DNMBP: variants seen among roughly 807,000 people sequenced by gnomAD.
The protein encoded by DNMBP is dynamin-binding protein.
DNMBP carries 87 observed loss-of-function variants against 150.0 expected under a neutral mutation model. That is an observed-to-expected ratio of 0.58 (90% CI 0.49 to 0.69). DNMBP has a LOEUF of 0.69. Among genes scored for constraint, DNMBP ranks in the 30% least tolerant of loss-of-function variants. The pLI, the probability that DNMBP is intolerant of heterozygous loss-of-function variation, is 0.00. For missense variants in DNMBP, 1,774 were observed against 1,949.0 expected, an observed-to-expected ratio of 0.91 and a Z score of 1.69; for synonymous variants, 711 against 750.4, an observed-to-expected ratio of 0.95 and a Z score of 0.86.
At chr10:99,971,565 A>G (rs1432356732) in intron 2 of DNMBP, among the ~76,000 whole-genome samples, 1 of 151,942 alleles carries the variant, frequency 6.6e-6, no homozygotes, top group Non-Finnish European at 1.5e-5. Flanking sequence ...CTTGTCGCCC[A>G]GGCTGGAATG....
intron 6 of DNMBP, among the ~76,000 whole-genome samples, chr10:99,907,428 C>T (rs184914398): frequency 1.6e-4 from 24 of 151,126 alleles, no homozygotes; most frequent in African/African-American, 5.3e-4. Context: ...CCAAGTCTTG[C>T]TCTGTACCCC....
At chr10:99,982,105 T>C (rs1406450754) in intron 1 of DNMBP, among the ~76,000 whole-genome samples, 2 of 152,128 alleles carry the variant, frequency 1.3e-5, no homozygotes, top group Non-Finnish European at 2.9e-5. Flanking sequence ...CCCTGAGTGA[T>C]ACACGCCCAA....
Position 99,970,971 on chromosome 10 carries a change from CAAAAAAAAAAAAAAAAA to C in DNMBP, c.145+992_145+1008del, listed in dbSNP as rs532226561. On this transcript the variant is annotated intron_variant, in intron 2 of 16. Transcript: ENST00000324109. Reference sequence around the variant, plus strand: ...TGGGCAACAGAGCAAGACTCCGTCTCAAAAAAAAAAAAAAAAAAAAAAAAAAAGGAAAGCAGTAGTAA... The same window carrying C: ...TGGGCAACAGAGCAAGACTCCGTCTCAAAAAAAAAAGGAAAGCAGTAGTAA... Among the ~76,000 whole-genome samples the C allele has an allele frequency of 6.9e-4, 23 of 33,194 alleles. 1 individual carries two copies. The highest frequency in any genetic ancestry group is 1.1e-3 in the Admixed American group (2 of 1,844). 21.8% of individuals were successfully genotyped at this position (33,194 alleles called of 152,430 possible). A position where few individuals can be genotyped will look rare whatever the true frequency, so the allele number is the denominator to read the frequency against.
chr10:99,976,562 C>A (rs1480285367), intron 1 of DNMBP, among the ~76,000 whole-genome samples: 2 of 152,144 alleles, frequency 1.3e-5, no homozygotes, highest in Non-Finnish European at 2.9e-5. Flanking sequence ...CGCATACTAC[C>A]AAAATTATGT....
At chr10:99,913,323 C>T (rs546271923) in intron 4 of DNMBP, among the ~76,000 whole-genome samples, 2 of 152,208 alleles carry the variant, frequency 1.3e-5, no homozygotes, top group African/African-American at 4.8e-5. Flanking sequence ...ATAATACTTG[C>T]TTTGCAGAGT....
At chr10:99,884,761 G>A (rs147407661) in intron 14 of DNMBP, among the ~76,000 whole-genome samples, 17 of 152,136 alleles carry the variant, frequency 1.1e-4, no homozygotes, top group Admixed American at 1.1e-3. Flanking sequence ...ATACAATACA[G>A]GCATGGTAAC....
At chr10:99,948,965 A>AAATAAAT (rs2040389651) in intron 4 of DNMBP, among the ~76,000 whole-genome samples, 1 of 137,172 alleles carries the variant, frequency 7.3e-6, no homozygotes, top group Non-Finnish European at 1.6e-5. Flanking sequence ...CTCCATCTCA[A>AAATAAAT]AAATAAATAA....
At chr10:99,974,307 A>G (rs979210994) in intron 1 of DNMBP, among the ~76,000 whole-genome samples, 1 of 152,208 alleles carries the variant, frequency 6.6e-6, no homozygotes, top group Non-Finnish European at 1.5e-5. Flanking sequence ...CTGTGCTGTA[A>G]TAAGACGATG....
intron 3 of DNMBP, among the ~76,000 whole-genome samples, chr10:99,967,680 T>G (rs1354089000): frequency 2.7e-5 from 4 of 150,594 alleles, no homozygotes; most frequent in African/African-American, 9.9e-5. Context: ...TGTGTGTGTG[T>G]GTGTGTGTGT....
intron 3 of DNMBP, among the ~76,000 whole-genome samples, chr10:99,960,172 T>G (rs2040548081): frequency 6.6e-6 from 1 of 152,174 alleles, no homozygotes; most frequent in South Asian, 2.1e-4. Flanking sequence ...TAAAATTCAG[T>G]TCTATATGAT....
At chr10:99,927,788 G>A (rs890117289) in intron 4 of DNMBP, among the ~76,000 whole-genome samples, 1 of 152,154 alleles carries the variant, frequency 6.6e-6, no homozygotes, top group Admixed American at 6.5e-5. Flanking sequence ...ATATTGGGTG[G>A]AACCGAGCTG....
At chr10:99,921,092 C>T (rs1198809030) in intron 4 of DNMBP, among the ~76,000 whole-genome samples, 2 of 152,212 alleles carry the variant, frequency 1.3e-5, no homozygotes, top group African/African-American at 4.8e-5. Flanking sequence ...TTCTAATCAT[C>T]CAGTTAGTCA....
intron 4 of DNMBP, among the ~76,000 whole-genome samples, chr10:99,945,678 C>T (rs567960415): frequency 6.4e-4 from 98 of 152,268 alleles, no homozygotes; most frequent in African/African-American, 2.3e-3. Flanking sequence ...TTGAAAACCA[C>T]CCAGTAATGT....
At chr10:99,986,589 C>G (rs1374518908) in intron 1 of DNMBP, among the ~76,000 whole-genome samples, 1 of 84,512 alleles carries the variant, frequency 1.2e-5, no homozygotes, top group African/African-American at 5.7e-5. Flanking sequence ...AGCAAGACTC[C>G]GTCTCAAAAA....
chr10:99,898,045 C>T lies in DNMBP; in HGVS notation c.2920+41G>A. 1.9e-6 allele frequency: 3 copies of T among 1,560,638 alleles called. No individual in the cohort carries two copies. The East Asian group carries it at 6.7e-5, about 35-fold the overall frequency. ...ATTGTTTTGAGAAGAAAAGCATTCT[C>T]AAAGGGCATACCTCCTTTTCAGCAA... On this transcript the variant is annotated intron_variant, in intron 9 of 16. Transcript: ENST00000324109.
chr10:100,001,658 C>T (rs949768388), intron 1 of DNMBP, among the ~76,000 whole-genome samples: 5 of 152,142 alleles, frequency 3.3e-5, no homozygotes, highest in African/African-American at 1.2e-4. Flanking sequence ...AGTGATCCGC[C>T]CGCCTTGGCC....
At chr10:99,989,870 TGCCCCCTCTTCTATTAAACC>T (rs1352597415) in intron 1 of DNMBP, among the ~76,000 whole-genome samples, 109 of 86,306 alleles carry the variant, frequency 1.3e-3, no homozygotes, top group Non-Finnish European at 2.0e-3. Flanking sequence ...TCTATTAAAC[TGCCCCCTCTTCTATTAAACC>T]CATACATAAC....
At chr10:99,985,626 C>T (rs1016100006) in intron 1 of DNMBP, among the ~76,000 whole-genome samples, 6 of 152,130 alleles carry the variant, frequency 3.9e-5, no homozygotes, top group Non-Finnish European at 7.3e-5. Context: ...GAATGAGAAT[C>T]CATTTAAAAA....
At chr10:99,999,958 T>C (rs2040992083) in intron 1 of DNMBP, among the ~76,000 whole-genome samples, 2 of 152,168 alleles carry the variant, frequency 1.3e-5, no homozygotes, top group Admixed American at 1.3e-4. Context: ...AGCCAAGCAA[T>C]GGCCTCTACA....
Sources: gnomAD v4.1 joint callset for allele counts (sites outside exome capture counted in the v4.1 genomes callset) on GRCh38, gnomAD v4.1.1 for gene constraint, MANE v1.5 for transcripts, NCBI Gene and HGNC (gene_info 2026-07-23, HGNC 2026-07-21) for gene names.